Variants in CD82 observed in about 807,000 individuals in gnomAD.
CD82 encodes the protein CD82 antigen.
CD82 carries 36 observed loss-of-function variants against 37.4 expected under a neutral mutation model. The observed-to-expected ratio is 0.96, with a 90% CI of 0.74 to 1.27. The LOEUF is 1.27. CD82 is among the 50% of genes most tolerant of loss of function. The pLI is 0.00. For synonymous variants in CD82, 158 were observed against 137.4 expected (o/e 1.15, Z -1.05); for missense variants, 340 against 347.0 (o/e 0.98, Z 0.16).
At chr11:44,611,399 C>A (rs1042352109) in intron 6 of CD82, among the ~76,000 whole-genome samples, 1 of 152,252 alleles carries the variant, frequency 6.6e-6, no homozygotes, top group African/African-American at 2.4e-5. Flanking sequence ...CCTCATCCTA[C>A]CACATTGATG....
Position 44,565,674 on chromosome 11 carries a change from C to T in CD82, c.-165C>T, listed in dbSNP as rs1000000095. The T allele has an allele frequency of 6.6e-6, 1 of 151,882 alleles. No homozygotes were observed. The highest frequency in any genetic ancestry group is 2.4e-5 in the African/African-American group (1 of 41,436). 9.4% of individuals were successfully genotyped at this position (151,882 alleles called of 1,614,324 possible). Reference sequence around the variant, plus strand: ...GAGCCCCGGGCTGTGCAGTCCGACGCCGACTGAGGCACGAGCGGGTGACGC... The same window carrying T: ...GAGCCCCGGGCTGTGCAGTCCGACGTCGACTGAGGCACGAGCGGGTGACGC... On this transcript the variant is annotated 5_prime_UTR_variant, in exon 1 of 10. Transcript: ENST00000227155.
intron 1 of CD82, among the ~76,000 whole-genome samples, chr11:44,584,311 A>ATTTTGTTTT (rs1853022446): frequency 1.3e-5 from 2 of 152,082 alleles, no homozygotes; most frequent in East Asian, 3.8e-4. Context: ...TTTGAGACAG[A>ATTTTGTTTT]GTTTTGTTCT....
At chr11:44,600,727 T>C (rs1853296112) in intron 4 of CD82, among the ~76,000 whole-genome samples, 1 of 152,192 alleles carries the variant, frequency 6.6e-6, no homozygotes, top group Non-Finnish European at 1.5e-5. Flanking sequence ...CAGTCACCAA[T>C]TATCAGGCTC....
intron 3 of CD82, among the ~76,000 whole-genome samples, chr11:44,599,216 C>G (rs193077193): frequency 1.3e-5 from 2 of 152,362 alleles, no homozygotes; most frequent in African/African-American, 4.8e-5. Context: ...GAACACAGTT[C>G]ACTGCAGCCT....
chr11:44,577,891 G>C (rs370695105), intron 1 of CD82, among the ~76,000 whole-genome samples: 1 of 152,170 alleles, frequency 6.6e-6, no homozygotes, highest in Non-Finnish European at 1.5e-5. Flanking sequence ...CTCTAGGTAG[G>C]GGGTGTCCTC....
chr11:44,588,904 T>TA (rs556491024), intron 2 of CD82, among the ~76,000 whole-genome samples: 750 of 152,352 alleles, frequency 4.9e-3, no homozygotes, highest in Non-Finnish European at 7.6e-3. Context: ...ATATATTTCG[T>TA]CAATTAAAAT....
intron 6 of CD82, among the ~76,000 whole-genome samples, chr11:44,608,424 A>G (rs143150687): frequency 9.9e-5 from 15 of 152,224 alleles, no homozygotes; most frequent in African/African-American, 3.4e-4. Flanking sequence ...TAAATTGAGA[A>G]TAAATCTGCC....
At chr11:44,604,367 A>C (rs1379594828) in intron 4 of CD82, 1 of 155,778 alleles carries the variant, frequency 6.4e-6, no homozygotes, top group Non-Finnish European at 1.4e-5. Flanking sequence ...GCATATTTTC[A>C]AATTCCAGCT....
At chr11:44,607,679 C>CA (rs1433943377) in intron 6 of CD82, among the ~76,000 whole-genome samples, 1 of 152,220 alleles carries the variant, frequency 6.6e-6, no homozygotes, top group Non-Finnish European at 1.5e-5. Flanking sequence ...AAACATTTTC[C>CA]ATTTGAAGAA....
At chr11:44,617,409 A>G (rs946248978) in intron 7 of CD82, among the ~76,000 whole-genome samples, 2 of 151,944 alleles carry the variant, frequency 1.3e-5, no homozygotes, top group African/African-American at 4.8e-5. Context: ...AAATACAAAC[A>G]TTAGCCGGGC....
intron 9 of CD82, 82 bp downstream of exon 9, chr11:44,618,805 G>GGGAGGAGCCCAGC (rs1853610962): frequency 1.4e-5 from 17 of 1,226,072 alleles, no homozygotes; most frequent in Middle Eastern, 3.8e-4. Flanking sequence ...TGGGGAGGTG[G>GGGAGGAGCCCAGC]TGGCCAAGGG....
intron 2 of CD82, among the ~76,000 whole-genome samples, chr11:44,589,301 C>G (rs1853105791): frequency 6.6e-6 from 1 of 152,230 alleles, no homozygotes; most frequent in South Asian, 2.1e-4. Context: ...GTACCTCCAT[C>G]CTGCTGCTCA....
At chr11:44,565,128 G>C (rs1852708887), upstream of CD82, among the ~76,000 whole-genome samples, 1 of 152,240 alleles carries the variant, frequency 6.6e-6, no homozygotes, top group Non-Finnish European at 1.5e-5. Flanking sequence ...TGCCAGCGTG[G>C]GGGCCCCAGG....
chr11:44,586,717 C>A (rs565034487), intron 1 of CD82, among the ~76,000 whole-genome samples: 1 of 152,270 alleles, frequency 6.6e-6, no homozygotes, highest in East Asian at 1.9e-4. Context: ...CCATCTCTAC[C>A]CCAATCCAGC....
intron 2 of CD82, among the ~76,000 whole-genome samples, chr11:44,590,744 C>T (rs1255516085): frequency 6.6e-6 from 1 of 151,928 alleles, no homozygotes; most frequent in African/African-American, 2.4e-5. Context: ...ATTTCTGTCT[C>T]ATGGATGGCA....
intron 1 of CD82, chr11:44,585,098 T>G: frequency 2.3e-6 from 1 of 426,554 alleles, no homozygotes; most frequent in Non-Finnish European, 4.7e-6. Flanking sequence ...AGGCAGAGGC[T>G]CCTCCTTCCT....
chr11:44,612,151 C>T (rs1231141201), intron 6 of CD82, among the ~76,000 whole-genome samples: 1 of 152,250 alleles, frequency 6.6e-6, no homozygotes, highest in African/African-American at 2.4e-5. Flanking sequence ...GTGACTCAGG[C>T]AAACCACTTA....
At chr11:44,572,663 G>A (rs747871746) in intron 1 of CD82, among the ~76,000 whole-genome samples, 1 of 152,168 alleles carries the variant, frequency 6.6e-6, no homozygotes, top group Non-Finnish European at 1.5e-5. Context: ...CTTCCCATGC[G>A]GTGGGCACAC....
upstream of CD82, among the ~76,000 whole-genome samples, chr11:44,564,820 C>A (rs900365532): frequency 6.6e-6 from 1 of 152,216 alleles, no homozygotes; most frequent in Non-Finnish European, 1.5e-5. Context: ...GAGGCTGGAT[C>A]CCGCTCACGC....
Sources: allele counts gnomAD v4.1 joint callset (sites outside exome capture counted in the v4.1 genomes callset), GRCh38; gene constraint gnomAD v4.1.1; transcripts MANE v1.5; gene names NCBI Gene and HGNC (gene_info 2026-07-23, HGNC 2026-07-21).